The following NSMCE2 variants were observed in gnomAD, a reference collection of about 807,000 sequenced individuals.
NSMCE2 encodes the protein NSE2 SUMO ligase component of SMC5/6 complex.
In NSMCE2, 24 loss-of-function variants were observed where a neutral mutation model predicts 23.8. The ratio of observed to expected loss-of-function variants is 1.01; its 90% confidence interval spans 0.73 to 1.42. The LOEUF is 1.42. Among genes scored for constraint, NSMCE2 ranks in the 40% most tolerant of loss-of-function variants. The pLI is 0.00. For missense variants in NSMCE2, 284 were observed against 296.5 expected (o/e 0.96, Z 0.31); for synonymous variants, 92 against 94.1 (o/e 0.98, Z 0.13).
rs770079460 is a variant in NSMCE2 at position 125,345,500 on chromosome 8, G to C, written c.419-11719G>C. On this transcript the variant is annotated intron_variant, in intron 5 of 7. Transcript: ENST00000287437. ...TTTATGAAGTTCCTGTACATTGCCT[G>C]GTTCACTGAGAACATGAAGCTGAAT... is the stretch of plus-strand genomic sequence containing the variant. 1.1e-4 allele frequency among the ~76,000 whole-genome samples: 17 copies of C among 152,160 alleles called. 1 individual carries two copies. The highest frequency in any genetic ancestry group is 2.6e-4 in the Admixed American group (4 of 15,282).
At chr8:125,124,370 A>G (rs1298925235) in intron 3 of NSMCE2, among the ~76,000 whole-genome samples, 2 of 152,202 alleles carry the variant, frequency 1.3e-5, no homozygotes, top group Non-Finnish European at 2.9e-5. Context: ...GTATAAAAAT[A>G]CAGTTGATTT....
chr8:125,187,635 T>G (rs904589130), intron 5 of NSMCE2, among the ~76,000 whole-genome samples: 3 of 152,134 alleles, frequency 2.0e-5, no homozygotes. Context: ...ACCTGTTACG[T>G]GACTATCAGG....
intron 5 of NSMCE2, among the ~76,000 whole-genome samples, chr8:125,341,544 GTGGTTTTTGTTAC>G (rs1830244789): frequency 6.6e-6 from 1 of 152,042 alleles, no homozygotes; most frequent in African/African-American, 2.4e-5. Context: ...TTCTCCTTAT[GTGGTTTTTGTTAC>G]TGCGTTGATT....
At chr8:125,335,242 G>A (rs948817931) in intron 5 of NSMCE2, among the ~76,000 whole-genome samples, 1 of 152,140 alleles carries the variant, frequency 6.6e-6, no homozygotes, top group Non-Finnish European at 1.5e-5. Flanking sequence ...GCTCTGGAGG[G>A]TTAAGGAAAT....
chr8:125,105,466 T>G (rs929171898), intron 3 of NSMCE2, among the ~76,000 whole-genome samples: 42 of 152,212 alleles, frequency 2.8e-4, no homozygotes, highest in African/African-American at 8.7e-4. Context: ...CTACAGAGTT[T>G]TTTTTTTCTC....
At chr8:125,104,233 G>A (rs906214597) in intron 3 of NSMCE2, among the ~76,000 whole-genome samples, 2 of 152,062 alleles carry the variant, frequency 1.3e-5, no homozygotes, top group Admixed American at 6.6e-5. Flanking sequence ...CAGGTAATCC[G>A]CCTGCCTTGG....
rs1440967473 is a variant in NSMCE2 at position 125,235,527 on chromosome 8, C to T, written c.418+53271C>T. 2.0e-5 allele frequency among the ~76,000 whole-genome samples: 3 copies of T among 152,194 alleles called. No individual in the cohort carries two copies. The East Asian group carries it at 5.8e-4, about 29-fold the overall frequency. On this transcript the variant is annotated intron_variant, in intron 5 of 7. Transcript: ENST00000287437. ...ATGCATAGCCATGCATACACCCACA[C>T]CTGTGTACACGAGAGGTTATATATA...
chr8:125,366,937 G>A lies in NSMCE2; in HGVS notation c.*52G>A, dbSNP rs1236867978. On this transcript the variant is annotated 3_prime_UTR_variant, in exon 8 of 8. Transcript: ENST00000287437. ...CAGCAGCCTACCTCCTACCCCAGCT[G>A]TCTGTTGAGAGCAGTGCTGACCCCA... 1.9e-6 allele frequency: 2 copies of A among 1,037,706 alleles called. No homozygotes were observed. Among genetic ancestry groups the A allele is most frequent in the African/African-American group, 1.6e-5 (1 of 63,896 alleles). The allele number at this position is 1,037,706 out of a possible 1,614,324, so 64.3% of individuals were successfully genotyped here.
intron 1 of NSMCE2, among the ~76,000 whole-genome samples, chr8:125,099,115 G>GA (rs1818068858): frequency 6.6e-6 from 1 of 152,158 alleles, no homozygotes; most frequent in Non-Finnish European, 1.5e-5. Context: ...GAACAAAACA[G>GA]AAAAAGTCAA....
chr8:125,170,382 T>C (rs1266440893), intron 4 of NSMCE2, among the ~76,000 whole-genome samples: 2 of 56,634 alleles, frequency 3.5e-5, no homozygotes, highest in Admixed American at 1.5e-4. Context: ...ATTTCTTTTT[T>C]TTTTTTTTTT....
intron 4 of NSMCE2, among the ~76,000 whole-genome samples, chr8:125,169,988 T>A (rs1440868883): frequency 6.6e-6 from 1 of 152,060 alleles, no homozygotes; most frequent in African/African-American, 2.4e-5. Context: ...TGAGGCTAGC[T>A]CCTTTCTTAC....
chr8:125,333,208 C>T (rs1455744342), intron 5 of NSMCE2, among the ~76,000 whole-genome samples: 4 of 151,820 alleles, frequency 2.6e-5, no homozygotes, highest in Admixed American at 6.6e-5. Context: ...CTCGCTCTGT[C>T]GCCAAGGCTG....
At chr8:125,256,089 C>G (rs1177310955) in intron 5 of NSMCE2, among the ~76,000 whole-genome samples, 1 of 152,070 alleles carries the variant, frequency 6.6e-6, no homozygotes, top group African/African-American at 2.4e-5. Context: ...CAAGACCATC[C>G]TGGCCAACAT....
chr8:125,316,585 T>C (rs903980467), intron 5 of NSMCE2, among the ~76,000 whole-genome samples: 2 of 152,030 alleles, frequency 1.3e-5, no homozygotes, highest in Admixed American at 6.6e-5. Flanking sequence ...TTTCTTTCTT[T>C]TCTTTTCTTT....
chr8:125,127,332 A>C (rs1819563186), intron 3 of NSMCE2, among the ~76,000 whole-genome samples: 1 of 152,154 alleles, frequency 6.6e-6, no homozygotes, highest in Non-Finnish European at 1.5e-5. Flanking sequence ...GGGGGAGTAC[A>C]TGATAGTAAG....
intron 5 of NSMCE2, among the ~76,000 whole-genome samples, chr8:125,314,696 C>T (rs184099543): frequency 1.1e-3 from 163 of 152,318 alleles, no homozygotes; most frequent in Non-Finnish European, 2.0e-3. Context: ...GAGCTGTGAT[C>T]CTGCCAGTAG....
intron 3 of NSMCE2, among the ~76,000 whole-genome samples, chr8:125,123,357 T>C (rs144592398): frequency 3.3e-4 from 51 of 152,360 alleles, no homozygotes; most frequent in Admixed American, 2.7e-3. Context: ...AGTTCCACAA[T>C]ATTTACTAAG....
chr8:125,227,868 G>T (rs1188577511), intron 5 of NSMCE2, among the ~76,000 whole-genome samples: 2 of 151,998 alleles, frequency 1.3e-5, no homozygotes, highest in Non-Finnish European at 2.9e-5. Context: ...TCAGTTTAGT[G>T]TCATTTTTTT....
At chr8:125,134,053 A>G (rs1014803862) in intron 3 of NSMCE2, among the ~76,000 whole-genome samples, 2 of 152,192 alleles carry the variant, frequency 1.3e-5, no homozygotes, top group African/African-American at 2.4e-5. Flanking sequence ...GTCCAGCCCA[A>G]CCACACTTTG....
Sources: allele counts gnomAD v4.1 joint callset (sites outside exome capture counted in the v4.1 genomes callset), GRCh38; gene constraint gnomAD v4.1.1; transcripts MANE v1.5; gene names NCBI Gene and HGNC (gene_info 2026-07-23, HGNC 2026-07-21).